The following ATXN8OS variants were observed in gnomAD, a reference collection of about 807,000 sequenced individuals.
ATXN8OS encodes ATXN8 opposite strand lncRNA.
chr13:70,159,977 C>A (rs774455466), intron 4 of ATXN8OS, among the ~76,000 whole-genome samples: 4 of 152,128 alleles, frequency 2.6e-5, no homozygotes, highest in Non-Finnish European at 4.4e-5. Context: ...TATAAATAGA[C>A]CTGCTATAAA....
At chr13:70,125,970 G>A (rs1323061398) in intron 2 of ATXN8OS, among the ~76,000 whole-genome samples, 3 of 152,118 alleles carry the variant, frequency 2.0e-5, no homozygotes, top group Non-Finnish European at 4.4e-5. Context: ...AAGACAAGCG[G>A]TGTGATGCAA....
chr13:70,120,143 C>T (rs1408187273), intron 2 of ATXN8OS, among the ~76,000 whole-genome samples: 1 of 152,120 alleles, frequency 6.6e-6, no homozygotes, highest in South Asian at 2.1e-4. Context: ...TTTATCATTA[C>T]CATGGAGGTT....
intron 4 of ATXN8OS, among the ~76,000 whole-genome samples, chr13:70,153,576 A>T (rs1007280051): frequency 2.0e-5 from 3 of 152,224 alleles, no homozygotes; most frequent in African/African-American, 7.2e-5. Flanking sequence ...CTGCAAAAAA[A>T]TAAAAATAAA....
chr13:70,109,447 T>C (rs1888162418), intron 1 of ATXN8OS, among the ~76,000 whole-genome samples: 2 of 152,170 alleles, frequency 1.3e-5, no homozygotes, highest in Admixed American at 6.6e-5. Flanking sequence ...ACCACTGAAG[T>C]GCAGTTAGGC....
chr13:70,118,353 T>C (rs1729823210), intron 2 of ATXN8OS, among the ~76,000 whole-genome samples: 1 of 152,108 alleles, frequency 6.6e-6, no homozygotes, highest in African/African-American at 2.4e-5. Flanking sequence ...GAGGTTATTT[T>C]GTCAGTTATG....
At chr13:70,154,666 T>A (rs1338423813) in intron 4 of ATXN8OS, among the ~76,000 whole-genome samples, 1 of 152,208 alleles carries the variant, frequency 6.6e-6, no homozygotes, top group East Asian at 1.9e-4. Context: ...TATCATCTAA[T>A]GTGCTCTAGA....
chr13:70,163,717 G>A (rs1407980059), intron 4 of ATXN8OS, among the ~76,000 whole-genome samples: 1 of 151,710 alleles, frequency 6.6e-6, no homozygotes, highest in African/African-American at 2.4e-5. Flanking sequence ...TTTACAATAT[G>A]TATCAGTATA....
intron 2 of ATXN8OS, among the ~76,000 whole-genome samples, chr13:70,127,186 ATTCT>A (rs1888451733): frequency 6.6e-6 from 1 of 151,948 alleles, no homozygotes; most frequent in Non-Finnish European, 1.5e-5. Context: ...ATGTCACTTA[ATTCT>A]TTCTATTATT....
Position 70,112,920 on chromosome 13 carries a change from A to ATATATTTTTTTTTTTT in ATXN8OS, n.241-2220_241-2219insATATTTTTTTTTTTTT, listed in dbSNP as rs1555298511. Reference sequence around the variant, plus strand: ...ACTGCTGAGGGACTTTATATATATAATTTTTTTTTTTTTTTTTTTTGAGAT... The same window carrying ATATATTTTTTTTTTTT: ...ACTGCTGAGGGACTTTATATATATAATATATTTTTTTTTTTTTTTTTTTTTTTTTTTTTTTTGAGAT... On this transcript the variant is annotated intron_variant and non_coding_transcript_variant, in intron 1 of 4. Transcript: ENST00000678624. Among the ~76,000 whole-genome samples, 4 of 87,590 alleles carry ATATATTTTTTTTTTTT rather than the reference A, an allele frequency of 4.6e-5. 1 individual carries two copies. Among genetic ancestry groups the ATATATTTTTTTTTTTT allele is most frequent in the Admixed American group, 1.4e-4 (1 of 7,294 alleles). 57.5% of individuals were successfully genotyped at this position (87,590 alleles called of 152,430 possible).
In ATXN8OS at chr13:70,149,016, T is replaced by G. The variant is rs1888826977; in HGVS notation, n.573+1588T>G. On this transcript the variant is annotated intron_variant and non_coding_transcript_variant, in intron 4 of 4. Transcript: ENST00000678624. ...AAGAATGAAAAGAACATATTTTTCT[T>G]AGATGCTTTTCTTCAGAAACATGAA... Among the ~76,000 whole-genome samples, 3 of 152,174 alleles carry G rather than the reference T, an allele frequency of 2.0e-5. No individual in the cohort carries two copies. The South Asian group carries it at 6.2e-4, about 31-fold the overall frequency.
intron 3 of ATXN8OS, among the ~76,000 whole-genome samples, chr13:70,136,387 C>T (rs1375781938): frequency 2.0e-5 from 3 of 151,950 alleles, no homozygotes; most frequent in African/African-American, 7.2e-5. Context: ...AAATTCTGTA[C>T]ATCTATAACT....
intron 3 of ATXN8OS, among the ~76,000 whole-genome samples, chr13:70,139,634 C>A (rs1219672166): frequency 6.6e-6 from 1 of 152,058 alleles, no homozygotes; most frequent in African/African-American, 2.4e-5. Context: ...CTTTCTCAAA[C>A]ACAATGTTTA....
At chr13:70,131,014 T>C in intron 3 of ATXN8OS, 1 of 398,506 alleles carries the variant, frequency 2.5e-6, no homozygotes, top group Non-Finnish European at 4.4e-6. Flanking sequence ...CTGAATATCT[T>C]AAAGAGAGTT....
At chr13:70,150,253 G>A (rs1032259158) in intron 4 of ATXN8OS, among the ~76,000 whole-genome samples, 6 of 152,078 alleles carry the variant, frequency 3.9e-5, no homozygotes, top group African/African-American at 1.4e-4. Flanking sequence ...GATAATGGAT[G>A]GGCCTACTGA....
chr13:70,127,769 C>T (rs533952444), intron 2 of ATXN8OS, among the ~76,000 whole-genome samples: 22 of 151,602 alleles, frequency 1.5e-4, no homozygotes, highest in African/African-American at 5.1e-4. Context: ...AAAAGCAATA[C>T]TGTCTAATAA....
At chr13:70,158,053 T>C (rs140279573) in intron 4 of ATXN8OS, among the ~76,000 whole-genome samples, 1 of 152,286 alleles carries the variant, frequency 6.6e-6, no homozygotes, top group African/African-American at 2.4e-5. Context: ...AATACCAGAT[T>C]CTCTAAAGAG....
chr13:70,121,946 G>A (rs9564652), intron 2 of ATXN8OS, among the ~76,000 whole-genome samples: 24,188 of 151,808 alleles, frequency 0.16, 2,488 homozygotes, highest in African/African-American at 0.29. Context: ...TTGAAAGACA[G>A]CAGTGGCAGT....
chr13:70,121,149 A>G (rs114683902), intron 2 of ATXN8OS, among the ~76,000 whole-genome samples: 3,600 of 152,238 alleles, frequency 0.024, 100 homozygotes, highest in African/African-American at 0.066. Flanking sequence ...AAAAAATAGA[A>G]TAAGAGATAG....
chr13:70,124,932 G>C (rs1888408631), intron 2 of ATXN8OS, among the ~76,000 whole-genome samples: 1 of 82,744 alleles, frequency 1.2e-5, no homozygotes, highest in South Asian at 5.3e-4. Context: ...TGTAATTTGA[G>C]GGTTTTTTTT....
Sources: gnomAD v4.1 joint callset for allele counts (sites outside exome capture counted in the v4.1 genomes callset) on GRCh38, gnomAD v4.1.1 for gene constraint, MANE v1.5 for transcripts, NCBI Gene and HGNC (gene_info 2026-07-23, HGNC 2026-07-21) for gene names.